NETO1: variants seen among roughly 807,000 people sequenced by gnomAD.
The protein encoded by NETO1 is neuropilin and tolloid like 1, also known as neuropilin and tolloid-like protein 1.
A neutral mutation model predicts 61.3 loss-of-function variants in NETO1; 26 were observed. The ratio of observed to expected loss-of-function variants is 0.42; its 90% confidence interval spans 0.31 to 0.59. The LOEUF (loss-of-function observed/expected upper bound fraction) is 0.59. Ranked by LOEUF, NETO1 falls within the 20% of genes least tolerant of loss-of-function variation. NETO1 has a pLI of 0.12. For missense variants in NETO1, 531 were observed against 662.8 expected (o/e 0.80, Z 2.18); for synonymous variants, 225 against 225.8 (o/e 1.00, Z 0.03).
intron 8 of NETO1, among the ~76,000 whole-genome samples, chr18:72,753,113 C>T (rs570196133): frequency 7.2e-5 from 11 of 151,974 alleles, no homozygotes; most frequent in Admixed American, 1.3e-4. Flanking sequence ...CAACAAAAAA[C>T]TAGAGGAGCT....
rs2070501797 is a variant in NETO1 at position 72,749,079 on chromosome 18, G to A, written c.1551C>T (p.Leu517=). 2 of 1,602,480 alleles carry A rather than the reference G, an allele frequency of 1.2e-6. No homozygotes were observed. The highest frequency in any genetic ancestry group is 1.7e-6 in the Non-Finnish European group (2 of 1,169,822). Residue 517 remains leucine (L), a synonymous_variant, in exon 10 of 11, where the codon CTC becomes CTT. Transcript: ENST00000327305. The stretch of plus-strand genomic sequence containing the variant: ...ATTCATGTTTGCTTAGAGACCCAAT[G>A]AGGCAGAACCTGGAATGTTATGGCT... ...RHDKAVQRFC[L]IGSLSKHESE...
intron 4 of NETO1, among the ~76,000 whole-genome samples, chr18:72,828,535 T>G (rs992259223): frequency 6.6e-6 from 1 of 152,176 alleles, no homozygotes; most frequent in African/African-American, 2.4e-5. Flanking sequence ...TTCAATAAAA[T>G]TTTTCAAACT....
At chr18:72,865,506 C>A (rs1370339945) in intron 1 of NETO1, 19 of 1,544,702 alleles carry the variant, frequency 1.2e-5, no homozygotes, top group Non-Finnish European at 1.7e-5. Flanking sequence ...CTAAAGGCAA[C>A]ATGTCAATTT....
chr18:72,781,089 T>C (rs1049376693), intron 7 of NETO1, among the ~76,000 whole-genome samples: 2 of 152,220 alleles, frequency 1.3e-5, no homozygotes, highest in Admixed American at 6.5e-5. Context: ...AGGGTTCCTC[T>C]ATGTTATTGA....
intron 10 of NETO1, 67 bp downstream of exon 10, chr18:72,748,947 C>G (rs1366205006): frequency 3.1e-6 from 3 of 978,934 alleles, no homozygotes; most frequent in Non-Finnish European, 4.9e-6. Flanking sequence ...CCCTAAAAAA[C>G]TACAAGACAG....
intron 4 of NETO1, among the ~76,000 whole-genome samples, chr18:72,823,813 C>T (rs1363575346): frequency 1.3e-5 from 2 of 152,194 alleles, no homozygotes; most frequent in Non-Finnish European, 2.9e-5. Flanking sequence ...CTCATTTCTG[C>T]CTTCTTGCCA....
rs1201993899 is a variant in NETO1, at chr18:72,867,664, G to T, written c.-373C>A. ...CCGCGGGGTCGGGAGGACGCGGCGC[G>T]CGGGAGGCGGCGGTCGCAGGGCGAG... On this transcript the variant is annotated 5_prime_UTR_variant, in exon 1 of 11. Transcript: ENST00000327305. 1 of 153,210 alleles carries T rather than the reference G, an allele frequency of 6.5e-6. No homozygotes were observed. The highest frequency in any genetic ancestry group is 1.4e-5 in the Non-Finnish European group (1 of 68,976). The allele number at this position is 153,210 out of a possible 1,614,324, so 9.5% of individuals were successfully genotyped here.
chr18:72,748,392 T>G, intron 10 of NETO1: 1 of 627,052 alleles, frequency 1.6e-6, no homozygotes, highest in Non-Finnish European at 2.0e-6. Flanking sequence ...CATTGTGATA[T>G]CTGATGACAA....
At chr18:72,819,003 T>C (rs59851005) in intron 4 of NETO1, among the ~76,000 whole-genome samples, 2,599 of 152,284 alleles carry the variant, frequency 0.017, 83 homozygotes, top group African/African-American at 0.059. Context: ...CAGATGAAAA[T>C]GTTTTTGCAT....
intron 4 of NETO1, among the ~76,000 whole-genome samples, chr18:72,804,911 A>G (rs571296026): frequency 1.6e-4 from 24 of 152,234 alleles, no homozygotes; most frequent in Non-Finnish European, 2.9e-4. Flanking sequence ...TGACAAGTAG[A>G]CACTGAAAGT....
At chr18:72,834,279 A>G in intron 4 of NETO1, 1 of 820,950 alleles carries the variant, frequency 1.2e-6, no homozygotes, top group Non-Finnish European at 1.5e-6. Context: ...TATCCCTACA[A>G]TAATAACAGA....
At chr18:72,772,970 G>C (rs1485089576) in intron 7 of NETO1, among the ~76,000 whole-genome samples, 2 of 149,768 alleles carry the variant, frequency 1.3e-5, no homozygotes, top group South Asian at 2.1e-4. Context: ...TTCTGCTGAG[G>C]AAATTAGCCT....
At chr18:72,776,020 G>A (rs1013768042) in intron 7 of NETO1, among the ~76,000 whole-genome samples, 2 of 152,016 alleles carry the variant, frequency 1.3e-5, no homozygotes, top group African/African-American at 4.8e-5. Flanking sequence ...TGCTATAAAG[G>A]CATACTGGGG....
In NETO1 at chr18:72,783,910, T is replaced by C. The variant is rs530328845; in HGVS notation, c.640-4A>G. On this transcript the variant is annotated splice_polypyrimidine_tract_variant and splice_region_variant and intron_variant, in intron 6 of 10. Coordinates refer to ENST00000327305, the MANE Select transcript of NETO1 (RefSeq NM_138966.5). The stretch of plus-strand genomic sequence containing the variant: ...AGTCCAAGAATCGTAAGTAAATCTA[T>C]AAAACAAAAATAAAATAATTTCCAC... The C allele has an allele frequency of 8.4e-5, 134 of 1,594,798 alleles. 1 individual carries two copies. In the South Asian group the frequency reaches 1.4e-3, roughly 17 times the overall value.
intron 4 of NETO1, among the ~76,000 whole-genome samples, chr18:72,832,980 G>T (rs1340798060): frequency 1.3e-5 from 2 of 152,116 alleles, no homozygotes; most frequent in Non-Finnish European, 2.9e-5. Flanking sequence ...CTATGTAAAT[G>T]TCTCTAATGC....
At chr18:72,764,681 T>C (rs2071092855) in intron 7 of NETO1, among the ~76,000 whole-genome samples, 1 of 152,216 alleles carries the variant, frequency 6.6e-6, no homozygotes, top group South Asian at 2.1e-4. Flanking sequence ...CATTTGGAAC[T>C]GTAATTACCA....
chr18:72,847,319 T>C (rs1166443115), intron 4 of NETO1, among the ~76,000 whole-genome samples: 1 of 152,144 alleles, frequency 6.6e-6, no homozygotes, highest in Non-Finnish European at 1.5e-5. Flanking sequence ...TGTCTGAAGG[T>C]AGCTGGAAAG....
At chr18:72,770,061 C>T (rs903700370) in intron 7 of NETO1, among the ~76,000 whole-genome samples, 1 of 151,920 alleles carries the variant, frequency 6.6e-6, no homozygotes, top group African/African-American at 2.4e-5. Context: ...ATTCCATCTC[C>T]AACATTATTT....
chr18:72,828,124 C>T (rs1204694004), intron 4 of NETO1, among the ~76,000 whole-genome samples: 2 of 152,252 alleles, frequency 1.3e-5, no homozygotes, highest in East Asian at 3.9e-4. Context: ...ACCAGCCAGG[C>T]CAATATGGCG....
Sources: allele counts gnomAD v4.1 joint callset (sites outside exome capture counted in the v4.1 genomes callset), GRCh38; gene constraint gnomAD v4.1.1; transcripts MANE v1.5; gene names NCBI Gene and HGNC (gene_info 2026-07-23, HGNC 2026-07-21).